TMED3: variants seen among roughly 807,000 people sequenced by gnomAD.
The protein encoded by TMED3 is transmembrane p24 trafficking protein 3.
Under a neutral mutation model 15.0 loss-of-function variants are expected in TMED3, and 9 were observed. The observed-to-expected ratio is 0.60, with a 90% CI of 0.36 to 1.04. The LOEUF (loss-of-function observed/expected upper bound fraction) is 1.04. Ranked by LOEUF, TMED3 falls within the 50% of genes least tolerant of loss-of-function variation. The probability of loss-of-function intolerance (pLI) is 0.01; values close to 1 mark genes in which losing one functional copy is unlikely to be tolerated. For synonymous variants in TMED3, 117 were observed against 121.4 expected (o/e 0.96, Z 0.24); for missense variants, 267 against 278.9 (o/e 0.96, Z 0.30).
At position 79,353,714 on chromosome 15, in the gene TMED3, T is replaced by C. The variant is rs151164892; in HGVS notation, c.417+39709T>C. ...GGTAGGTTTTGTGTTGTATTTTGCT[T>C]TTCTGTATTTTTCCACTGTTTTAAA... On this transcript the variant is annotated intron_variant, in intron 2 of 2. Coordinates refer to the TMED3 transcript ENST00000424155. Among the ~76,000 whole-genome samples, 331 of 151,982 alleles carry C rather than the reference T, an allele frequency of 2.2e-3. 1 individual carries two copies. The highest frequency in any genetic ancestry group is 7.4e-3 in the African/African-American group (306 of 41,444).
At chr15:79,322,930 CAT>C, downstream of TMED3, 1 of 978,124 alleles carries the variant, frequency 1.0e-6, no homozygotes, top group Non-Finnish European at 1.2e-6. Context: ...TAGAATGTGA[CAT>C]AGAGTACCTA....
intron 2 of TMED3, among the ~76,000 whole-genome samples, chr15:79,397,692 A>G (rs1342900711): frequency 2.0e-5 from 3 of 152,226 alleles, no homozygotes; most frequent in Non-Finnish European, 4.4e-5. Flanking sequence ...TCAGATTATT[A>G]CATTACTACA....
intron 2 of TMED3, among the ~76,000 whole-genome samples, chr15:79,406,507 C>T (rs1011990068): frequency 5.9e-5 from 9 of 152,106 alleles, no homozygotes; most frequent in South Asian, 4.1e-4. Flanking sequence ...CAGTTTTAGC[C>T]TAGAACTCAT....
intron 2 of TMED3, among the ~76,000 whole-genome samples, chr15:79,331,781 G>A (rs965987610): frequency 6.6e-6 from 1 of 152,078 alleles, no homozygotes; most frequent in South Asian, 2.1e-4. Flanking sequence ...ATAAATGGCC[G>A]ACAAAATATA....
At chr15:79,319,791 CAG>C (rs530500209) in intron 2 of TMED3, among the ~76,000 whole-genome samples, 55 of 149,634 alleles carry the variant, frequency 3.7e-4, no homozygotes, top group Admixed American at 4.6e-4. Flanking sequence ...GCAGCCAAGG[CAG>C]AGAGAGAGAG....
intron 2 of TMED3, among the ~76,000 whole-genome samples, chr15:79,409,510 C>T (rs892591677): frequency 5.9e-5 from 9 of 152,146 alleles, no homozygotes; most frequent in African/African-American, 7.2e-5. Context: ...CAAATGGGCC[C>T]GCTAACATTA....
At chr15:79,367,842 A>G (rs767830111) in intron 2 of TMED3, among the ~76,000 whole-genome samples, 42 of 152,266 alleles carry the variant, frequency 2.8e-4, no homozygotes, top group Non-Finnish European at 5.6e-4. Flanking sequence ...GATCAAAGGT[A>G]GATTCAAAGA....
chr15:79,363,346 G>T (rs1237940544), intron 2 of TMED3, among the ~76,000 whole-genome samples: 1 of 152,066 alleles, frequency 6.6e-6, no homozygotes, highest in Non-Finnish European at 1.5e-5. Flanking sequence ...CTAAAAACTT[G>T]TAAAACTTCT....
At chr15:79,341,713 G>A (rs576113296) in intron 2 of TMED3, among the ~76,000 whole-genome samples, 10 of 152,204 alleles carry the variant, frequency 6.6e-5, no homozygotes, top group Non-Finnish European at 1.2e-4. Flanking sequence ...CCCCAAGCAG[G>A]AAGAATTCAC....
chr15:79,411,789 G>A (rs1893985138), exon 3 of TMED3: 1 of 359,650 alleles, frequency 2.8e-6, no homozygotes, highest in Non-Finnish European at 5.2e-6. Flanking sequence ...CCTGGGTGGA[G>A]CCCAGAGGGT....
intron 2 of TMED3, among the ~76,000 whole-genome samples, chr15:79,406,113 T>C (rs1893900040): frequency 6.6e-6 from 1 of 152,222 alleles, no homozygotes; most frequent in South Asian, 2.1e-4. Flanking sequence ...TGTAGATGAA[T>C]TGAATACAGA....
intron 2 of TMED3, among the ~76,000 whole-genome samples, chr15:79,351,574 A>G (rs893117708): frequency 3.3e-5 from 5 of 152,214 alleles, no homozygotes; most frequent in Non-Finnish European, 5.9e-5. Context: ...TACAAAAATA[A>G]TAGATGTTGG....
intron 2 of TMED3, among the ~76,000 whole-genome samples, chr15:79,402,100 G>A (rs796418391): frequency 1.1e-4 from 17 of 152,316 alleles, no homozygotes; most frequent in African/African-American, 3.8e-4. Context: ...GAAAGGGAGC[G>A]TGCAGGGTGA....
chr15:79,357,006 G>C (rs2058921913), intron 2 of TMED3, among the ~76,000 whole-genome samples: 1 of 150,626 alleles, frequency 6.6e-6, no homozygotes, highest in South Asian at 2.1e-4. Context: ...AGAATGTGTA[G>C]TATGAACCCA....
At chr15:79,370,417 C>T (rs1893317172) in intron 2 of TMED3, among the ~76,000 whole-genome samples, 1 of 152,078 alleles carries the variant, frequency 6.6e-6, no homozygotes, top group Admixed American at 6.5e-5. Flanking sequence ...TAGATTGGGG[C>T]AGGCAGGAGT....
At chr15:79,358,910 C>A (rs1893070504) in intron 2 of TMED3, among the ~76,000 whole-genome samples, 1 of 152,062 alleles carries the variant, frequency 6.6e-6, no homozygotes, top group African/African-American at 2.4e-5. Flanking sequence ...CTGATTCCTC[C>A]AGTCTGGATC....
At chr15:79,366,445 C>T (rs1467387667) in intron 2 of TMED3, among the ~76,000 whole-genome samples, 1 of 152,220 alleles carries the variant, frequency 6.6e-6, no homozygotes, top group Non-Finnish European at 1.5e-5. Context: ...TCATCCGCAA[C>T]ATTTAGTTTC....
intron 2 of TMED3, among the ~76,000 whole-genome samples, chr15:79,359,838 A>G (rs1488823335): frequency 6.6e-6 from 1 of 152,190 alleles, no homozygotes; most frequent in East Asian, 1.9e-4. Context: ...CGAAAGCCCT[A>G]GGTAGTAGCT....
downstream of TMED3, among the ~76,000 whole-genome samples, chr15:79,327,750 C>A (rs1469850412): frequency 6.6e-6 from 1 of 152,038 alleles, no homozygotes; most frequent in Non-Finnish European, 1.5e-5. Context: ...GACATTCTTG[C>A]TACTTCTTGT....
Sources: allele counts gnomAD v4.1 joint callset (sites outside exome capture counted in the v4.1 genomes callset), GRCh38; gene constraint gnomAD v4.1.1; transcripts MANE v1.5; gene names NCBI Gene and HGNC (gene_info 2026-07-23, HGNC 2026-07-21).